The following PHF2 variants were observed in gnomAD, a reference collection of about 807,000 sequenced individuals.
The protein encoded by PHF2 is PHD finger protein 2.
A neutral mutation model predicts 120.5 loss-of-function variants in PHF2; 27 were observed. That is an observed-to-expected ratio of 0.22 (90% CI 0.17 to 0.31). The LOEUF is 0.31. Ranked by LOEUF, PHF2 falls within the 10% of genes least tolerant of loss-of-function variation. The probability of loss-of-function intolerance (pLI) is 1.00; values close to 1 mark genes in which losing one functional copy is unlikely to be tolerated. For synonymous variants in PHF2, 568 were observed against 592.5 expected (o/e 0.96, Z 0.60); for missense variants, 1,024 against 1,434.8 (o/e 0.71, Z 4.63).
intron 17 of PHF2, among the ~76,000 whole-genome samples, chr9:93,671,680 A>G (rs1406673271): frequency 1.4e-5 from 2 of 139,186 alleles, no homozygotes; most frequent in African/African-American, 5.3e-5. Flanking sequence ...GTACAGGTGT[A>G]GATGCAGGTG....
At chr9:93,662,258 G>A (rs979387476) in intron 12 of PHF2, among the ~76,000 whole-genome samples, 7 of 151,786 alleles carry the variant, frequency 4.6e-5, no homozygotes, top group Admixed American at 1.3e-4. Flanking sequence ...TGGACTGATC[G>A]ATGGATAAAT....
At chr9:93,658,364 G>A (rs2117974556) in intron 10 of PHF2, 128 bp downstream of exon 10, 2 of 757,690 alleles carry the variant, frequency 2.6e-6, no homozygotes, top group Admixed American at 2.1e-5. Context: ...GAAGGACGGT[G>A]GTGCTCCCCT....
At position 93,635,034 on chromosome 9, in the gene PHF2, G is replaced by A. The variant is rs148176067; in HGVS notation, c.185-1377G>A. Among the ~76,000 whole-genome samples the A allele has an allele frequency of 1.2e-4, 18 of 152,320 alleles. 1 individual carries two copies. The East Asian group carries it at 2.1e-3, about 18-fold the overall frequency. ...TTTGCCCAAGGTCACACAGCTGGAA[G>A]AGGATTGGCCAAAACAGATTTGAAC... On this transcript the variant is annotated intron_variant, in intron 2 of 21. Coordinates refer to ENST00000359246, the MANE Select transcript of PHF2 (RefSeq NM_005392.4).
chr9:93,653,185 C>G lies in PHF2; in HGVS notation c.609C>G (p.Ser203=). ...TNLEFSDTRM[S]SFVEPPDIVK... ...CTTCCTCTCCCACCCCTAGAATGTC[C>G]AGCTTCGTGGAGCCACCTGACATTG... The change falls in exon 6 of 22, where the codon TCC becomes TCG. Residue 203 remains serine (S), a synonymous_variant. Coordinates refer to ENST00000359246, the MANE Select transcript of PHF2 (RefSeq NM_005392.4). 1 of 1,614,070 alleles carries G rather than the reference C, an allele frequency of 6.2e-7. No homozygotes were observed. The highest frequency in any genetic ancestry group is 8.5e-7 in the Non-Finnish European group (1 of 1,179,962).
rs146258687 is a variant in PHF2 at position 93,610,637 on chromosome 9, T to C, written c.99-19333T>C. ...TAGGTTGTTTTTTGTTTTGTTTTGT[T>C]TTATTTTGCTTTTATTGTACTTTAT... is the stretch of plus-strand genomic sequence containing the variant. On this transcript the variant is annotated intron_variant, in intron 1 of 21. Coordinates refer to ENST00000359246, the MANE Select transcript of PHF2 (RefSeq NM_005392.4). Among the ~76,000 whole-genome samples the C allele has an allele frequency of 4.2e-3, 639 of 152,334 alleles. 11 individuals are homozygous for C. The highest frequency in any genetic ancestry group is 0.027 in the Admixed American group (412 of 15,298).
intron 16 of PHF2, 76 bp downstream of exon 16, chr9:93,666,136 T>G: frequency 6.7e-7 from 1 of 1,485,196 alleles, no homozygotes; most frequent in Non-Finnish European, 9.3e-7. Context: ...TTTGAGTGAC[T>G]CCAGGGCGGT....
intron 2 of PHF2, 68 bp from the exon 3 acceptor site, chr9:93,636,343 A>G (rs1397825878): frequency 1.6e-6 from 2 of 1,260,790 alleles, no homozygotes; most frequent in Non-Finnish European, 2.3e-6. Context: ...CAAGGTTCTT[A>G]GGGGAAGTTG....
intron 1 of PHF2, among the ~76,000 whole-genome samples, chr9:93,583,485 C>T (rs1353837000): frequency 6.6e-6 from 1 of 152,208 alleles, no homozygotes; most frequent in East Asian, 1.9e-4. Flanking sequence ...GAGTAACTGG[C>T]AAACTGTTTT....
intron 1 of PHF2, among the ~76,000 whole-genome samples, chr9:93,624,971 G>C (rs1405168378): frequency 2.0e-5 from 3 of 152,164 alleles, no homozygotes; most frequent in Non-Finnish European, 4.4e-5. Context: ...CTTTTATTGA[G>C]TTAAAATTCA....
At position 93,674,941 on chromosome 9, in the gene PHF2, G is replaced by T. The variant is rs761504835; in HGVS notation, c.2641G>T (p.Glu881Ter). ...CCTCCCTCTAGTTTACCCCTCACTG[G>T]AGTCAGATGAAGACAACCCCATCTT... ...KDSDYVYPSL[E>*]SDEDNPIFKS... is the part of the protein sequence containing the mutation. The change falls in exon 19 of 22, where the codon GAG becomes TAG. Residue 881 changes from glutamate to a stop codon, truncating the protein, a stop_gained. Coordinates refer to ENST00000359246, the MANE Select transcript of PHF2 (RefSeq NM_005392.4). LOFTEE classifies it high-confidence loss of function. The T allele has an allele frequency of 6.2e-7, 1 of 1,613,706 alleles. No homozygotes were observed. The highest frequency in any genetic ancestry group is 1.7e-5 in the Admixed American group (1 of 60,026).
chr9:93,626,917 A>G (rs1825923200), intron 1 of PHF2, among the ~76,000 whole-genome samples: 1 of 152,198 alleles, frequency 6.6e-6, no homozygotes, highest in Non-Finnish European at 1.5e-5. Flanking sequence ...CTGAGGTTTT[A>G]GTTCTATTCC....
intron 5 of PHF2, among the ~76,000 whole-genome samples, chr9:93,651,999 C>T (rs1419234050): frequency 6.6e-6 from 1 of 152,118 alleles, no homozygotes; most frequent in East Asian, 1.9e-4. Context: ...GCAATGAGGA[C>T]TCCTGGAGGA....
At chr9:93,615,759 ACCTGGGGGACT>A in intron 1 of PHF2, among the ~76,000 whole-genome samples, 1 of 152,186 alleles carries the variant, frequency 6.6e-6, no homozygotes, top group East Asian at 1.9e-4. Context: ...CTTATGAGAC[ACCTGGGGGACT>A]CCAAACAGCA....
rs972892532 is a variant in PHF2 at position 93,679,437 on chromosome 9, T to C, written c.*1761T>C. 1.5e-4 allele frequency: 49 copies of C among 317,378 alleles called. No individual in the cohort carries two copies. Among genetic ancestry groups the C allele is most frequent in the Non-Finnish European group, 2.9e-4 (48 of 164,210 alleles). 19.7% of individuals were successfully genotyped at this position (317,378 alleles called of 1,614,324 possible). ...TTTTTTAATTTTATTATTATTATTTTGGCAACATGTACATTTCTAACAAAG... is the reference window on the plus strand; with the variant it reads ...TTTTTTAATTTTATTATTATTATTTCGGCAACATGTACATTTCTAACAAAG... On this transcript the variant is annotated 3_prime_UTR_variant, in exon 22 of 22. Coordinates refer to ENST00000359246, the MANE Select transcript of PHF2 (RefSeq NM_005392.4).
intron 17 of PHF2, 140 bp downstream of exon 17, chr9:93,667,380 G>A (rs1247100780): frequency 5.0e-5 from 46 of 924,202 alleles, no homozygotes; most frequent in Non-Finnish European, 7.4e-5. Context: ...TGGGCAGAAG[G>A]GCACACCTCA....
intron 3 of PHF2, 152 bp from the exon 4 acceptor site, chr9:93,645,477 T>G: frequency 1.4e-6 from 1 of 718,456 alleles, no homozygotes; most frequent in Non-Finnish European, 2.2e-6. Flanking sequence ...ATCGTCCCAT[T>G]TGTGGCACCA....
chr9:93,620,714 A>G (rs1351720971), intron 1 of PHF2, among the ~76,000 whole-genome samples: 1 of 152,214 alleles, frequency 6.6e-6, no homozygotes, highest in African/African-American at 2.4e-5. Flanking sequence ...GGTGTTACCT[A>G]GTCTCCTTCA....
chr9:93,650,411 C>A (rs1426042430), intron 5 of PHF2, among the ~76,000 whole-genome samples: 1 of 152,210 alleles, frequency 6.6e-6, no homozygotes, highest in Non-Finnish European at 1.5e-5. Flanking sequence ...GTTACTAACA[C>A]CTGCACACAC....
In PHF2 at chr9:93,667,297, G is replaced by T. The variant is rs923529932; in HGVS notation, c.2348+57G>T. ...CGGGGACCAGGCAGGCCCAGGGCTG[G>T]CCCTCGGCCATGATGGTGGGAGCCT... is the stretch of plus-strand genomic sequence containing the variant. On this transcript the variant is annotated intron_variant, in intron 17 of 21. Coordinates refer to ENST00000359246, the MANE Select transcript of PHF2 (RefSeq NM_005392.4). 3.2e-5 allele frequency: 50 copies of T among 1,562,052 alleles called. No individual in the cohort carries two copies. The Admixed American group carries it at 8.7e-4, about 27-fold the overall frequency.
Sources: gnomAD v4.1 joint callset for allele counts (sites outside exome capture counted in the v4.1 genomes callset) on GRCh38, gnomAD v4.1.1 for gene constraint, MANE v1.5 for transcripts, NCBI Gene and HGNC (gene_info 2026-07-23, HGNC 2026-07-21) for gene names.